CTNNA3: variants seen among roughly 807,000 people sequenced by gnomAD.
CTNNA3 encodes the protein catenin alpha-3.
Under a neutral mutation model 95.7 loss-of-function variants are expected in CTNNA3, and 76 were observed. The ratio of observed to expected loss-of-function variants is 0.79; its 90% confidence interval spans 0.66 to 0.96. The LOEUF is 0.96. Ranked by LOEUF, CTNNA3 falls within the 40% of genes least tolerant of loss-of-function variation. The probability of loss-of-function intolerance (pLI) is 0.00; values close to 1 mark genes in which losing one functional copy is unlikely to be tolerated. For missense variants in CTNNA3, 1,191 were observed against 1,089.8 expected, an observed-to-expected ratio of 1.09 and a Z score of -1.31; for synonymous variants, 431 against 374.4, an observed-to-expected ratio of 1.15 and a Z score of -1.74.
chr10:66,051,033 AT>A (rs2079945845), intron 15 of CTNNA3, among the ~76,000 whole-genome samples: 1 of 151,518 alleles, frequency 6.6e-6, no homozygotes, highest in South Asian at 2.1e-4. Context: ...TTTCCTTTTT[AT>A]TTTTGTGGTG....
intron 5 of CTNNA3, among the ~76,000 whole-genome samples, chr10:67,248,545 A>T (rs1033279396): frequency 6.6e-6 from 1 of 151,840 alleles, no homozygotes; most frequent in Non-Finnish European, 1.5e-5. Context: ...CCCCCCAAAG[A>T]GCTGGGACTA....
At chr10:66,829,476 G>A (rs1246614424) in intron 7 of CTNNA3, among the ~76,000 whole-genome samples, 1 of 151,840 alleles carries the variant, frequency 6.6e-6, no homozygotes, top group Non-Finnish European at 1.5e-5. Context: ...AGCCGGCCAT[G>A]GTGGCACACA....
chr10:67,301,675 T>G (rs1221572723), intron 5 of CTNNA3, among the ~76,000 whole-genome samples: 2 of 151,984 alleles, frequency 1.3e-5, no homozygotes, highest in Non-Finnish European at 2.9e-5. Context: ...CCTTTAAACA[T>G]AAGAAAATCC....
intron 5 of CTNNA3, among the ~76,000 whole-genome samples, chr10:67,321,282 T>C (rs1432961996): frequency 5.3e-5 from 8 of 152,192 alleles, no homozygotes; most frequent in African/African-American, 4.8e-5. Flanking sequence ...TAAGAGAAGA[T>C]AGATTAAAGA....
At chr10:66,697,244 T>C (rs1847798850) in intron 9 of CTNNA3, among the ~76,000 whole-genome samples, 1 of 149,348 alleles carries the variant, frequency 6.7e-6, no homozygotes, top group Non-Finnish European at 1.5e-5. Flanking sequence ...TGTATATATA[T>C]CAGATATATC....
intron 7 of CTNNA3, among the ~76,000 whole-genome samples, chr10:66,863,823 T>A (rs746142206): frequency 6.6e-6 from 1 of 152,088 alleles, no homozygotes; most frequent in African/African-American, 2.4e-5. Context: ...TGATCTGGTG[T>A]GGACATAGAA....
At chr10:66,395,827 T>G (rs2456739) in intron 11 of CTNNA3, among the ~76,000 whole-genome samples, 98,094 of 151,658 alleles carry the variant, frequency 0.65, 33,335 homozygotes, top group East Asian at 0.88. Flanking sequence ...GATTCAGGGG[T>G]TTCATGTGCA....
intron 5 of CTNNA3, among the ~76,000 whole-genome samples, chr10:67,481,109 A>G (rs550025308): frequency 6.6e-6 from 1 of 151,954 alleles, no homozygotes; most frequent in Admixed American, 6.6e-5. Flanking sequence ...TTTTTTGTAC[A>G]TGTTGAAGGA....
chr10:67,237,126 G>GTATATA (rs59511861), intron 5 of CTNNA3, among the ~76,000 whole-genome samples: 8 of 39,870 alleles, frequency 2.0e-4, no homozygotes, highest in Non-Finnish European at 2.6e-4. Context: ...TATGGTGTAT[G>GTATATA]TATATATATA....
intron 9 of CTNNA3, among the ~76,000 whole-genome samples, chr10:66,694,260 T>TA (rs1221718522): frequency 1.3e-5 from 2 of 151,510 alleles, no homozygotes; most frequent in Admixed American, 6.6e-5. Flanking sequence ...ATAGACACAA[T>TA]AAAAAATGAT....
At chr10:66,198,267 C>A (rs2087093022) in intron 13 of CTNNA3, among the ~76,000 whole-genome samples, 1 of 151,990 alleles carries the variant, frequency 6.6e-6, no homozygotes, top group Non-Finnish European at 1.5e-5. Flanking sequence ...TATATTTTTT[C>A]AAAGCGTTTT....
chr10:66,589,982 T>C (rs559134969), intron 10 of CTNNA3, among the ~76,000 whole-genome samples: 4 of 152,180 alleles, frequency 2.6e-5, no homozygotes, highest in East Asian at 3.9e-4. Context: ...TTAAGGAGTA[T>C]AAAGAAATAT....
At chr10:66,117,361 A>T (rs1369682474) in intron 13 of CTNNA3, among the ~76,000 whole-genome samples, 1 of 152,202 alleles carries the variant, frequency 6.6e-6, no homozygotes, top group African/African-American at 2.4e-5. Context: ...TATGCTACTA[A>T]TATAATATAG....
chr10:65,983,469 T>C (rs1000769824), intron 16 of CTNNA3, among the ~76,000 whole-genome samples: 2 of 151,530 alleles, frequency 1.3e-5, no homozygotes, highest in African/African-American at 4.8e-5. Flanking sequence ...AATTACAATG[T>C]AGAGTACAGA....
At chr10:67,671,743 T>C (rs936715770) in intron 1 of CTNNA3, among the ~76,000 whole-genome samples, 2 of 151,940 alleles carry the variant, frequency 1.3e-5, no homozygotes, top group African/African-American at 4.8e-5. Context: ...CCACATTTTC[T>C]TAATCCAGTC....
intron 7 of CTNNA3, among the ~76,000 whole-genome samples, chr10:67,074,789 C>A (rs979269523): frequency 1.3e-5 from 2 of 152,128 alleles, no homozygotes; most frequent in South Asian, 2.1e-4. Context: ...AAAATACATT[C>A]TTAATATTAT....
intron 7 of CTNNA3, among the ~76,000 whole-genome samples, chr10:67,159,060 A>T (rs1263521021): frequency 1.3e-5 from 2 of 152,180 alleles, no homozygotes; most frequent in Non-Finnish European, 2.9e-5. Context: ...GCCTAAACCC[A>T]GTAGTTAAAA....
At chr10:66,318,699 A>T (rs2092137950) in intron 12 of CTNNA3, among the ~76,000 whole-genome samples, 1 of 151,940 alleles carries the variant, frequency 6.6e-6, no homozygotes, top group Non-Finnish European at 1.5e-5. Context: ...AACTGATCTC[A>T]CCCTCTCTGA....
intron 11 of CTNNA3, among the ~76,000 whole-genome samples, chr10:66,471,794 A>G (rs1323040429): frequency 1.3e-5 from 2 of 151,860 alleles, no homozygotes; most frequent in African/African-American, 4.8e-5. Flanking sequence ...TGGGTGATAA[A>G]TAAAACGCTT....
Sources: allele counts gnomAD v4.1 joint callset (sites outside exome capture counted in the v4.1 genomes callset), GRCh38; gene constraint gnomAD v4.1.1; transcripts MANE v1.5; gene names NCBI Gene and HGNC (gene_info 2026-07-23, HGNC 2026-07-21).